SMCHD1: variants seen among roughly 807,000 people sequenced by gnomAD.
SMCHD1 encodes structural maintenance of chromosomes flexible hinge domain-containing protein 1.
Under a neutral mutation model 254.7 loss-of-function variants are expected in SMCHD1, and 78 were observed. The observed-to-expected ratio is 0.31, with a 90% CI of 0.26 to 0.37. SMCHD1 has a LOEUF of 0.37. Among genes scored for constraint, SMCHD1 ranks in the 10% least tolerant of loss-of-function variants. SMCHD1 has a pLI of 1.00. For missense variants in SMCHD1, 1,840 were observed against 2,408.1 expected (o/e 0.76, Z 4.94); for synonymous variants, 766 against 794.9 (o/e 0.96, Z 0.61).
chr18:2,661,344 A>G (rs1300469908), intron 1 of SMCHD1, among the ~76,000 whole-genome samples: 1 of 152,236 alleles, frequency 6.6e-6, no homozygotes, highest in Admixed American at 6.5e-5. Flanking sequence ...TTAAAAAAAA[A>G]AAAAGATAGT....
rs886044408 is a variant in SMCHD1, at chr18:2,784,527, C to T, written c.5625C>T (p.Gly1875=). ...TTCGAAGTAATGGAAAGTTTGGGGG[C>T]CTTCAGAATAAAGCTCCTCCAATGG... ...DRIRSNGKFG[G]LQNKAPPMDK... is the part of the protein sequence containing the mutation. The change falls in exon 45 of 48, where the codon GGC becomes GGT. Residue 1875 remains glycine (G), a synonymous_variant. Transcript: ENST00000320876. 14 of 1,612,674 alleles carry T rather than the reference C, an allele frequency of 8.7e-6. No homozygotes were observed. Among genetic ancestry groups the T allele is most frequent in the Admixed American group, 1.7e-5 (1 of 59,822 alleles).
At position 2,706,277 on chromosome 18, in the gene SMCHD1, C is replaced by A. The variant is rs1464439872; in HGVS notation, c.1957-87C>A. On this transcript the variant is annotated intron_variant, in intron 14 of 47. Transcript: ENST00000320876. The stretch of plus-strand genomic sequence containing the variant: ...TACTTAATTAGGATAAAATATATTT[C>A]TTTGGAAGAAACAAATGGGTGTTTG... The A allele has an allele frequency of 1.4e-5, 12 of 842,958 alleles. No individual in the cohort carries two copies. In the Admixed American group the frequency reaches 1.4e-4, roughly 10 times the overall value. 52.2% of individuals were successfully genotyped at this position (842,958 alleles called of 1,614,324 possible).
intron 25 of SMCHD1, 36 bp from the exon 26 acceptor site, chr18:2,738,361 A>C: frequency 6.6e-7 from 1 of 1,524,676 alleles, no homozygotes; most frequent in Non-Finnish European, 8.8e-7. Flanking sequence ...CATTAGACGA[A>C]GCTTTATTAT....
intron 19 of SMCHD1, among the ~76,000 whole-genome samples, chr18:2,720,815 C>A (rs1051426906): frequency 1.3e-5 from 2 of 152,178 alleles, no homozygotes; most frequent in African/African-American, 4.8e-5. Flanking sequence ...CAGGGTCTCA[C>A]TATGTTACCC....
At position 2,696,833 on chromosome 18, in the gene SMCHD1, C is replaced by T. The variant is rs80190219; in HGVS notation, c.1041-199C>T. Among the ~76,000 whole-genome samples the T allele has an allele frequency of 0.015, 2,304 of 152,192 alleles. 44 individuals are homozygous for T. Among genetic ancestry groups the T allele is most frequent in the African/African-American group, 0.052 (2,154 of 41,524 alleles). On this transcript the variant is annotated intron_variant, in intron 8 of 47. Transcript: ENST00000320876. ...ATAACTTACATACACTTCTTGCACC[C>T]CAGGTTCTATATCTGTAAAATGAGA...
chr18:2,744,487 T>C (rs1406426618), intron 29 of SMCHD1, among the ~76,000 whole-genome samples: 2 of 152,160 alleles, frequency 1.3e-5, no homozygotes, highest in African/African-American at 4.8e-5. Context: ...TGTACATATT[T>C]ATTGTGTACA....
At chr18:2,784,321 G>A in intron 44 of SMCHD1, 129 bp from the exon 45 acceptor site, 1 of 715,830 alleles carries the variant, frequency 1.4e-6, no homozygotes, top group Non-Finnish European at 2.2e-6. Context: ...CATATTGCTA[G>A]TTACTAAGTT....
intron 41 of SMCHD1, among the ~76,000 whole-genome samples, chr18:2,773,567 C>T (rs565609145): frequency 2.0e-5 from 3 of 152,156 alleles, no homozygotes; most frequent in African/African-American, 7.2e-5. Context: ...ACAGTCCCTC[C>T]ATGTCATCCT....
chr18:2,687,579 A>T (rs886619719), intron 5 of SMCHD1, among the ~76,000 whole-genome samples: 4 of 151,712 alleles, frequency 2.6e-5, no homozygotes, highest in African/African-American at 9.7e-5. Flanking sequence ...GTTTTCCTGG[A>T]TCTGTGAAGC....
chr18:2,793,821 T>C (rs1295682489), intron 45 of SMCHD1, among the ~76,000 whole-genome samples: 1 of 152,166 alleles, frequency 6.6e-6, no homozygotes, highest in Non-Finnish European at 1.5e-5. Flanking sequence ...CACACACAGA[T>C]GTGTATATGT....
chr18:2,728,668 TAGTA>T (rs773868913), intron 23 of SMCHD1, 72 bp downstream of exon 23: 135 of 1,482,750 alleles, frequency 9.1e-5, no homozygotes, highest in Admixed American at 1.3e-4. Context: ...AGCCACTTAA[TAGTA>T]AGTCTTACAC....
intron 34 of SMCHD1, among the ~76,000 whole-genome samples, chr18:2,754,409 A>G (rs978601752): frequency 2.2e-4 from 34 of 152,356 alleles, no homozygotes; most frequent in African/African-American, 7.9e-4. Flanking sequence ...TCATGGGGTG[A>G]TGTCCAAGGG....
chr18:2,729,549 G>T, intron 24 of SMCHD1, 140 bp downstream of exon 24: 1 of 556,156 alleles, frequency 1.8e-6, no homozygotes, highest in Non-Finnish European at 3.0e-6. Context: ...GCAAAGCAAA[G>T]ACAATATGAA....
chr18:2,670,103 C>T (rs897541951), intron 3 of SMCHD1, among the ~76,000 whole-genome samples: 6 of 152,150 alleles, frequency 3.9e-5, no homozygotes, highest in East Asian at 3.8e-4. Flanking sequence ...TTGTGTCACT[C>T]GCTGCTGAAA....
intron 44 of SMCHD1, among the ~76,000 whole-genome samples, 196 bp downstream of exon 44, chr18:2,778,435 C>T (rs111998874): frequency 6.6e-6 from 1 of 152,064 alleles, no homozygotes; most frequent in African/African-American, 2.4e-5. Context: ...TTTGGGGCTA[C>T]GAAATTGTCT....
At chr18:2,695,441 C>T (rs2074266524) in intron 8 of SMCHD1, among the ~76,000 whole-genome samples, 2 of 151,838 alleles carry the variant, frequency 1.3e-5, no homozygotes, top group African/African-American at 2.4e-5. Context: ...TCCCGAGTAG[C>T]TGGGATTACA....
chr18:2,686,049 T>A (rs1429944324), intron 5 of SMCHD1, among the ~76,000 whole-genome samples: 1 of 152,238 alleles, frequency 6.6e-6, no homozygotes, highest in African/African-American at 2.4e-5. Context: ...TGAAGCTCTT[T>A]CTAAACATTC....
chr18:2,715,788 CTGCAGTGAGCTATGATTG>C (rs1259326795), intron 17 of SMCHD1, among the ~76,000 whole-genome samples: 1 of 152,132 alleles, frequency 6.6e-6, no homozygotes, highest in Non-Finnish European at 1.5e-5. Flanking sequence ...GCCCATGAGA[CTGCAGTGAGCTATGATTG>C]TGCCGCTGAA....
chr18:2,766,141 C>T (rs2075864437), intron 37 of SMCHD1, among the ~76,000 whole-genome samples: 1 of 152,086 alleles, frequency 6.6e-6, no homozygotes, highest in South Asian at 2.1e-4. Context: ...CTACAGGCAC[C>T]CACCACCACA....
Sources: allele counts gnomAD v4.1 joint callset (sites outside exome capture counted in the v4.1 genomes callset), GRCh38; gene constraint gnomAD v4.1.1; transcripts MANE v1.5; gene names NCBI Gene and HGNC (gene_info 2026-07-23, HGNC 2026-07-21).